DNAH7: variants seen among roughly 807,000 people sequenced by gnomAD.
The protein encoded by DNAH7 is axonemal beta dynein heavy chain 7.
Under a neutral mutation model 444.6 loss-of-function variants are expected in DNAH7, and 397 were observed. The observed-to-expected ratio is 0.89, with a 90% CI of 0.82 to 0.97. The LOEUF is 0.97. DNAH7 is among the 50% of genes least tolerant of loss of function. DNAH7 has a pLI of 0.00. For synonymous variants in DNAH7, 1,636 were observed against 1,624.4 expected (o/e 1.01, Z -0.17); for missense variants, 4,902 against 4,800.8 (o/e 1.02, Z -0.62).
At chr2:196,049,678 G>A (rs528159224) in intron 3 of DNAH7, among the ~76,000 whole-genome samples, 3 of 152,312 alleles carry the variant, frequency 2.0e-5, no homozygotes, top group East Asian at 1.9e-4. Context: ...AAAGAATGCT[G>A]AGGAAAAATT....
In DNAH7 at chr2:195,853,634, T is replaced by C. The variant is rs1295671715; in HGVS notation, c.8596-106A>G. 5.0e-5 allele frequency: 58 copies of C among 1,166,356 alleles called. 1 individual carries two copies. The highest frequency in any genetic ancestry group is 1.3e-5 in the Non-Finnish European group (11 of 848,028). 72.3% of individuals were successfully genotyped at this position (1,166,356 alleles called of 1,614,324 possible). A position where few individuals can be genotyped will look rare whatever the true frequency, so the allele number is the denominator to read the frequency against. ...GAATTATTATTTTTAATGACAGACT[T>C]CTGCCTGGGATTTCCTATATCACTA... is the stretch of plus-strand genomic sequence containing the variant. On this transcript the variant is annotated intron_variant, in intron 45 of 64. Coordinates refer to ENST00000312428, the MANE Select transcript of DNAH7 (RefSeq NM_018897.3).
At chr2:196,009,745 G>T (rs760993133) in intron 10 of DNAH7, among the ~76,000 whole-genome samples, 14 of 152,090 alleles carry the variant, frequency 9.2e-5, no homozygotes, top group Non-Finnish European at 5.9e-5. Context: ...GGGAAAAAAT[G>T]TTTGCAAACT....
rs1013214477 is a variant in DNAH7 at position 195,972,564 on chromosome 2, T to C, written c.1834-98A>G. The C allele has an allele frequency of 2.0e-5, 17 of 865,856 alleles. No individual in the cohort carries two copies. In the African/African-American group the frequency reaches 2.0e-4, roughly 10 times the overall value. The allele number at this position is 865,856 out of a possible 1,614,324, so 53.6% of individuals were successfully genotyped here. On this transcript the variant is annotated intron_variant, in intron 15 of 64. Coordinates refer to ENST00000312428, the MANE Select transcript of DNAH7 (RefSeq NM_018897.3). ...ACTGTATAACTATGCACAGACTTAT[T>C]AGAAGTCAACACTTTTGGTTCAAAA...
chr2:195,879,731 T>C (rs1701271303), intron 36 of DNAH7, among the ~76,000 whole-genome samples: 1 of 152,180 alleles, frequency 6.6e-6, no homozygotes, highest in African/African-American at 2.4e-5. Context: ...TGATTAAAAT[T>C]ATTCTATAAA....
rs374399286 is a variant in DNAH7 at position 195,820,284 on chromosome 2, G to A, written c.9292-2455C>T. 5.9e-5 allele frequency among the ~76,000 whole-genome samples: 9 copies of A among 152,024 alleles called. No homozygotes were observed. The East Asian group carries it at 1.4e-3, about 23-fold the overall frequency. The stretch of plus-strand genomic sequence containing the variant: ...CACAGGGAGGGGGACATCACACACT[G>A]GGGCCTGTTGGGGGGTATGAGGCAA... On this transcript the variant is annotated intron_variant, in intron 49 of 64. Transcript: ENST00000312428.
At chr2:195,858,342 T>G (rs1699830302) in intron 43 of DNAH7, 132 bp downstream of exon 43, 4 of 806,106 alleles carry the variant, frequency 5.0e-6, no homozygotes, top group Middle Eastern at 3.8e-4. Context: ...CTTTTGCCAA[T>G]TTCAAAATGA....
At chr2:195,856,410 T>C (rs981892539) in intron 44 of DNAH7, among the ~76,000 whole-genome samples, 2 of 152,306 alleles carry the variant, frequency 1.3e-5, no homozygotes, top group Non-Finnish European at 2.9e-5. Context: ...TATAAATACG[T>C]ATGTGGTAAT....
chr2:195,815,093 T>C (rs1697160680), intron 51 of DNAH7, among the ~76,000 whole-genome samples: 2 of 151,588 alleles, frequency 1.3e-5, no homozygotes, highest in East Asian at 1.9e-4. Flanking sequence ...CAGAATCTAG[T>C]ATGAAAACCA....
intron 10 of DNAH7, 138 bp from the exon 11 acceptor site, chr2:196,001,996 G>A (rs1694066347): frequency 1.6e-5 from 9 of 566,494 alleles, no homozygotes; most frequent in Admixed American, 4.1e-5. Flanking sequence ...CCCACTCTCC[G>A]AAATGTAAGT....
At chr2:195,824,742 T>C (rs1194125409) in intron 48 of DNAH7, among the ~76,000 whole-genome samples, 5 of 152,152 alleles carry the variant, frequency 3.3e-5, no homozygotes, top group African/African-American at 1.2e-4. Flanking sequence ...GCCCAGGTAT[T>C]ATGGCAGTGA....
Position 195,913,108 on chromosome 2 carries a change from T to G in DNAH7, c.3936-2913A>C, listed in dbSNP as rs955076635. Among the ~76,000 whole-genome samples the G allele has an allele frequency of 2.0e-5, 3 of 152,042 alleles. No homozygotes were observed. The South Asian group carries it at 6.2e-4, about 32-fold the overall frequency. ...AGAGCAACTTTAAAAAAAACAGTAA[T>G]AAGAAAGAATAAAATTGCTTTCTGC... On this transcript the variant is annotated intron_variant, in intron 24 of 64. Transcript: ENST00000312428.
rs750915861 is a variant in DNAH7 at position 195,923,643 on chromosome 2, G to A, written c.3777C>T (p.Ser1259=). ...VLSSLVKKNI[S]DDSDFEWLSQ... Reference sequence around the variant, plus strand: ...TTAACCATTCAAAGTCAGAGTCATCGCTAATATTTTTTTTTACAAGTGATG... The same window carrying A: ...TTAACCATTCAAAGTCAGAGTCATCACTAATATTTTTTTTTACAAGTGATG... Residue 1259 remains serine, a synonymous_variant, in exon 23 of 65, where the codon AGC becomes AGT. Coordinates refer to ENST00000312428, the MANE Select transcript of DNAH7 (RefSeq NM_018897.3). 15 of 1,614,044 alleles carry A rather than the reference G, an allele frequency of 9.3e-6. No homozygotes were observed. Among genetic ancestry groups the A allele is most frequent in the East Asian group, 2.2e-5 (1 of 44,860 alleles).
At chr2:196,047,320 G>T in intron 5 of DNAH7, 32 bp downstream of exon 5, 1 of 1,503,788 alleles carries the variant, frequency 6.6e-7, no homozygotes, top group South Asian at 1.4e-5. Context: ...TCTAACATGG[G>T]TAACACGTAA....
rs754730664 is a variant in DNAH7, at chr2:195,891,823, C to A, written c.4897-19G>T. ...TTAGCCCCTTAATGAAAAAAAAAAA[C>A]ATTTATTTATGTAAAGAATACTGTC... On this transcript the variant is annotated intron_variant, in intron 30 of 64. Coordinates refer to ENST00000312428, the MANE Select transcript of DNAH7 (RefSeq NM_018897.3). The A allele has an allele frequency of 3.3e-5, 45 of 1,356,372 alleles. No individual in the cohort carries two copies. The African/African-American group carries it at 6.6e-4, about 20-fold the overall frequency. 84.0% of individuals were successfully genotyped at this position (1,356,372 alleles called of 1,614,324 possible). A position where few individuals can be genotyped will look rare whatever the true frequency, so the allele number is the denominator to read the frequency against.
chr2:196,008,075 T>C (rs1252145634), intron 10 of DNAH7, among the ~76,000 whole-genome samples: 1 of 151,984 alleles, frequency 6.6e-6, no homozygotes, highest in Non-Finnish European at 1.5e-5. Context: ...ATCAGATATT[T>C]TACATGTCAA....
Position 195,906,479 on chromosome 2 carries a change from A to G in DNAH7, c.4335+180T>C, listed in dbSNP as rs562584450. Reference sequence around the variant, plus strand: ...TTTTTTTTTTTTTTTTTTTTTTAAGAGACAAGGTCTCACTATGCCCAGGCT... The same window carrying G: ...TTTTTTTTTTTTTTTTTTTTTTAAGGGACAAGGTCTCACTATGCCCAGGCT... On this transcript the variant is annotated intron_variant, in intron 27 of 64. Transcript: ENST00000312428. Among the ~76,000 whole-genome samples the G allele has an allele frequency of 1.7e-3, 240 of 139,806 alleles. 2 individuals carry two copies. Among genetic ancestry groups the G allele is most frequent in the African/African-American group, 6.4e-3 (237 of 37,296 alleles). 91.7% of individuals were successfully genotyped at this position (139,806 alleles called of 152,430 possible). A position where few individuals can be genotyped will look rare whatever the true frequency, so the allele number is the denominator to read the frequency against.
chr2:195,897,583 ATAGTGGGAGCTTCACAACCT>A, intron 29 of DNAH7, 64 bp downstream of exon 29: 1 of 731,006 alleles, frequency 1.4e-6, no homozygotes, highest in Non-Finnish European at 2.3e-6. Flanking sequence ...ATTGTTTTCC[ATAGTGGGAGCTTCACAACCT>A]TAGACATGTG....
In DNAH7 at chr2:196,028,285, TCC is replaced by T. The variant is rs563745160; in HGVS notation, c.399-240_399-239del. 8.6e-4 allele frequency among the ~76,000 whole-genome samples: 131 copies of T among 152,296 alleles called. No homozygotes were observed. The Middle Eastern group carries it at 0.01, about 12-fold the overall frequency. ...CAAGACCTATTCAGAAATCACACCCTCCTTGATGGCCTTTACTTATTCTTCCT... is the reference window on the plus strand; with the variant it reads ...CAAGACCTATTCAGAAATCACACCCTTTGATGGCCTTTACTTATTCTTCCT... On this transcript the variant is annotated intron_variant, in intron 5 of 64. Transcript: ENST00000312428.
intron 19 of DNAH7, among the ~76,000 whole-genome samples, chr2:195,941,514 G>T (rs1184133942): frequency 6.7e-6 from 1 of 148,166 alleles, no homozygotes; most frequent in Non-Finnish European, 1.5e-5. Context: ...CATGACATAT[G>T]TATACGAAGG....
Sources: gnomAD v4.1 joint callset for allele counts (sites outside exome capture counted in the v4.1 genomes callset) on GRCh38, gnomAD v4.1.1 for gene constraint, MANE v1.5 for transcripts, NCBI Gene and HGNC (gene_info 2026-07-23, HGNC 2026-07-21) for gene names.